The following NAALAD2 variants were observed in gnomAD, a reference collection of about 807,000 sequenced individuals.
NAALAD2 encodes N-acetylated-alpha-linked acidic dipeptidase 2.
NAALAD2 carries 89 observed loss-of-function variants against 95.6 expected under a neutral mutation model. The observed-to-expected ratio is 0.93, with a 90% CI of 0.78 to 1.11. The LOEUF is 1.11. Among genes scored for constraint, NAALAD2 ranks in the 50% least tolerant of loss-of-function variants. The probability of loss-of-function intolerance (pLI) is 0.00; values close to 1 mark genes in which losing one functional copy is unlikely to be tolerated. For synonymous variants in NAALAD2, 264 were observed against 294.4 expected (o/e 0.90, Z 1.06); for missense variants, 894 against 872.4 (o/e 1.02, Z -0.31).
intron 9 of NAALAD2, 81 bp from the exon 10 acceptor site, chr11:90,163,225 AGAGG>A: frequency 7.0e-7 from 1 of 1,425,872 alleles, no homozygotes; most frequent in Non-Finnish European, 9.6e-7. Context: ...AACTCAAGCA[AGAGG>A]ATGTTTATTT....
intron 6 of NAALAD2, among the ~76,000 whole-genome samples, chr11:90,157,482 T>C (rs1236256531): frequency 6.6e-6 from 1 of 152,156 alleles, no homozygotes; most frequent in Non-Finnish European, 1.5e-5. Context: ...TTGTTTTTTT[T>C]CCAATTATTT....
chr11:90,177,586 G>GTTTTTTTTTTTTTTTCTTTTTTTTT (rs1952833629), intron 15 of NAALAD2, among the ~76,000 whole-genome samples: 1 of 28,456 alleles, frequency 3.5e-5, no homozygotes, highest in Non-Finnish European at 6.2e-5. Flanking sequence ...TCTTTTTCTT[G>GTTTTTTTTTTTTTTTCTTTTTTTTT]TTTTTTTTTT....
Position 90,178,117 on chromosome 11 carries a change from G to T in NAALAD2, c.1858G>T (p.Asp620Tyr). ...ATTGACAGACCATGGAGTATCATTT[G>T]GTAAGAAATAGTTGGGCAGATATTT... is the stretch of plus-strand genomic sequence containing the variant. Reference protein sequence around the residue: ...QQLTDHGVSFDSLFSAVKNFS... With the variant: ...QQLTDHGVSFYSLFSAVKNFS... Residue 620 changes from aspartate (D) to tyrosine (Y), a missense_variant and splice_region_variant, in exon 16 of 19, where the codon GAC (aspartate) becomes TAC (tyrosine). Physicochemically the swap from Asp to Tyr is radical, Grantham distance 160. Coordinates refer to ENST00000534061, the MANE Select transcript of NAALAD2 (RefSeq NM_005467.4). 1 of 1,604,770 alleles carries T rather than the reference G, an allele frequency of 6.2e-7. No homozygotes were observed. The highest frequency in any genetic ancestry group is 1.1e-5 in the South Asian group (1 of 88,878).
At chr11:90,185,483 T>C (rs964861106) in intron 18 of NAALAD2, among the ~76,000 whole-genome samples, 5 of 151,948 alleles carry the variant, frequency 3.3e-5, no homozygotes, top group Admixed American at 3.3e-4. Context: ...CCAGCCTGGG[T>C]AACACAGCGA....
At chr11:90,148,174 G>A (rs1345727225) in intron 3 of NAALAD2, among the ~76,000 whole-genome samples, 2 of 152,118 alleles carry the variant, frequency 1.3e-5, no homozygotes, top group Admixed American at 1.3e-4. Context: ...GATAGACAAC[G>A]TCCTCTATGG....
intron 2 of NAALAD2, 58 bp downstream of exon 2, chr11:90,135,728 A>G: frequency 1.4e-6 from 2 of 1,392,858 alleles, no homozygotes; most frequent in Non-Finnish European, 1.0e-6. Flanking sequence ...CACAGTGAGA[A>G]GCATATTATA....
At chr11:90,152,748 C>T (rs1193227599) in intron 6 of NAALAD2, among the ~76,000 whole-genome samples, 2 of 152,068 alleles carry the variant, frequency 1.3e-5, no homozygotes, top group Non-Finnish European at 1.5e-5. Flanking sequence ...TACTGATCCT[C>T]ATACCTAAAG....
At position 90,147,556 on chromosome 11, in the gene NAALAD2, G is replaced by A. The variant is rs541717268; in HGVS notation, c.381+40G>A. 5.3e-5 allele frequency: 82 copies of A among 1,540,170 alleles called. 1 individual carries two copies. The highest frequency in any genetic ancestry group is 3.6e-4 in the South Asian group (30 of 83,034). On this transcript the variant is annotated intron_variant, in intron 3 of 18. Transcript: ENST00000534061. ...TGGTACTTTTTATATTTTGCAATCC[G>A]ACCGTTTTATGTGGATTGTAATGTA...
chr11:90,132,635 A>G (rs768779284), upstream of NAALAD2, among the ~76,000 whole-genome samples: 14 of 152,350 alleles, frequency 9.2e-5, no homozygotes, highest in Non-Finnish European at 2.1e-4. Flanking sequence ...TCCCAGTATT[A>G]TTTCATAATG....
At chr11:90,163,223 CA>C (rs1952344689) in intron 9 of NAALAD2, 86 bp from the exon 10 acceptor site, 1 of 1,413,210 alleles carries the variant, frequency 7.1e-7, no homozygotes, top group Non-Finnish European at 9.7e-7. Flanking sequence ...GAAACTCAAG[CA>C]AGAGGATGTT....
At chr11:90,177,589 T>G (rs1197335353) in intron 15 of NAALAD2, among the ~76,000 whole-genome samples, 1 of 33,160 alleles carries the variant, frequency 3.0e-5, no homozygotes, top group African/African-American at 1.3e-4. Flanking sequence ...TTTTCTTGTT[T>G]TTTTTTTTTT....
At chr11:90,140,532 A>G (rs115315028) in intron 2 of NAALAD2, among the ~76,000 whole-genome samples, 2,082 of 151,852 alleles carry the variant, frequency 0.014, 55 homozygotes, top group African/African-American at 0.048. Context: ...AAATTTTCCA[A>G]TATATTTATT....
In NAALAD2 at chr11:90,188,138, G is replaced by A. The variant is rs1033913644; in HGVS notation, c.2034-3420G>A. On this transcript the variant is annotated intron_variant, in intron 18 of 18. Transcript: ENST00000534061. ...TTTAATTGGCCAAAACTTGGTGATCGGCACAAGAGTAGACTCAGTCTGTTG... is the reference window on the plus strand; with the variant it reads ...TTTAATTGGCCAAAACTTGGTGATCAGCACAAGAGTAGACTCAGTCTGTTG... Among the ~76,000 whole-genome samples, 9 of 152,066 alleles carry A rather than the reference G, an allele frequency of 5.9e-5. No homozygotes were observed. The South Asian group carries it at 6.2e-4, about 11-fold the overall frequency.
At chr11:90,152,518 C>CA in intron 6 of NAALAD2, 34 bp downstream of exon 6, 6 of 1,523,726 alleles carry the variant, frequency 3.9e-6, no homozygotes, top group Non-Finnish European at 5.4e-6. Context: ...ACCAATTTTG[C>CA]AAAAATACTC....
chr11:90,147,464 C>T lies in NAALAD2; in HGVS notation c.329C>T (p.Pro110Leu). 1 of 1,613,164 alleles carries T rather than the reference C, an allele frequency of 6.2e-7. No individual in the cohort carries two copies. Among genetic ancestry groups the T allele is most frequent in the South Asian group, 1.1e-5 (1 of 90,896 alleles). Residue 110 changes from proline (P) to leucine (L), a missense_variant, in exon 3 of 19, where the codon CCC becomes CTC. Physicochemically the swap from Pro to Leu is moderately conservative, Grantham distance 98. Coordinates refer to ENST00000534061, the MANE Select transcript of NAALAD2 (RefSeq NM_005467.4). ...LVHYDVLLSY[P>L]NETNANYISI... Reference sequence around the variant, plus strand: ...CATTATGATGTCCTCTTATCTTACCCCAATGAGACAAATGCCAACTATATA... The same window carrying T: ...CATTATGATGTCCTCTTATCTTACCTCAATGAGACAAATGCCAACTATATA...
chr11:90,155,139 C>A (rs1259799932), intron 6 of NAALAD2, among the ~76,000 whole-genome samples: 1 of 125,694 alleles, frequency 8.0e-6, no homozygotes, highest in African/African-American at 3.0e-5. Context: ...TATACGTATA[C>A]ATATGTATAT....
At position 90,177,944 on chromosome 11, in the gene NAALAD2, A is replaced by T; in HGVS notation, c.1685A>T (p.Lys562Ile). 1 of 1,614,002 alleles carries T rather than the reference A, an allele frequency of 6.2e-7. No homozygotes were observed. Among genetic ancestry groups the T allele is most frequent in the Admixed American group, 1.7e-5 (1 of 60,018 alleles). The change falls in exon 16 of 19, where the codon AAA becomes ATA. Residue 562 changes from lysine (K) to isoleucine (I), a missense_variant. Physicochemically the swap from Lys to Ile is moderately radical, Grantham distance 102. Coordinates refer to ENST00000534061, the MANE Select transcript of NAALAD2 (RefSeq NM_005467.4). ...VEKFYDPTFKKQLSVAQLRGA... is the reference protein window; with the variant it reads ...VEKFYDPTFKIQLSVAQLRGA... Reference sequence around the variant, plus strand: ...AAATTTTATGACCCCACATTTAAAAAACAACTTTCTGTGGCTCAATTACGA... The same window carrying T: ...AAATTTTATGACCCCACATTTAAAATACAACTTTCTGTGGCTCAATTACGA...
At chr11:90,160,242 A>G (rs930751928) in intron 8 of NAALAD2, among the ~76,000 whole-genome samples, 1 of 152,208 alleles carries the variant, frequency 6.6e-6, no homozygotes, top group East Asian at 1.9e-4. Context: ...AAAGGGAGGC[A>G]AGAAATGCCA....
rs187702371 is a variant in NAALAD2, at chr11:90,163,448, C to A, written c.1195+19C>A. ...AGTAAAGGTAAACAACCTTTCTTTC[C>A]TAGGTGATGACAAAAAGTGACTTAC... On this transcript the variant is annotated intron_variant, in intron 10 of 18. Coordinates refer to ENST00000534061, the MANE Select transcript of NAALAD2 (RefSeq NM_005467.4). 386 of 1,613,580 alleles carry A rather than the reference C, an allele frequency of 2.4e-4. 5 individuals carry two copies. In the East Asian group the frequency reaches 6.7e-3, roughly 28 times the overall value.
Sources: allele counts gnomAD v4.1 joint callset (sites outside exome capture counted in the v4.1 genomes callset), GRCh38; gene constraint gnomAD v4.1.1; transcripts MANE v1.5; gene names NCBI Gene and HGNC (gene_info 2026-07-23, HGNC 2026-07-21).